Variants in MANBA observed in about 807,000 individuals in gnomAD.
MANBA encodes the protein mannosidase beta.
A neutral mutation model predicts 111.1 loss-of-function variants in MANBA; 83 were observed. The ratio of observed to expected loss-of-function variants is 0.75; its 90% CI spans 0.63 to 0.90. The LOEUF (loss-of-function observed/expected upper bound fraction) is 0.90, where lower values mean the gene tolerates loss of function less well. Among genes scored for constraint, MANBA ranks in the 40% least tolerant of loss-of-function variants. The pLI, the probability that MANBA is intolerant of heterozygous loss-of-function variation, is 0.00. For synonymous variants in MANBA, 370 were observed against 378.7 expected, an observed-to-expected ratio of 0.98 and a Z score of 0.27; for missense variants, 1,036 against 1,069.0, an observed-to-expected ratio of 0.97 and a Z score of 0.43.
At chr4:102,638,960 C>T (rs916459754) in intron 14 of MANBA, among the ~76,000 whole-genome samples, 12 of 152,316 alleles carry the variant, frequency 7.9e-5, no homozygotes, top group African/African-American at 2.4e-4. Context: ...TACTTTGTGG[C>T]CTTGCCTCGT....
intron 12 of MANBA, among the ~76,000 whole-genome samples, chr4:102,654,320 G>T (rs546282704): frequency 1.3e-5 from 2 of 152,144 alleles, no homozygotes; most frequent in South Asian, 4.2e-4. Context: ...AAAAAACGGG[G>T]TATGGAATTT....
chr4:102,753,448 T>C (rs1723883870), intron 1 of MANBA, among the ~76,000 whole-genome samples: 1 of 152,170 alleles, frequency 6.6e-6, no homozygotes, highest in Non-Finnish European at 1.5e-5. Context: ...AATAACAATA[T>C]TATATCAGTA....
chr4:102,746,553 T>C (rs949842532), intron 1 of MANBA, among the ~76,000 whole-genome samples: 10 of 152,240 alleles, frequency 6.6e-5, no homozygotes, highest in African/African-American at 1.9e-4. Context: ...AAAGGTATTA[T>C]GTTTCAAGTC....
At chr4:102,739,696 A>G (rs911521507) in intron 1 of MANBA, among the ~76,000 whole-genome samples, 1 of 152,230 alleles carries the variant, frequency 6.6e-6, no homozygotes, top group Non-Finnish European at 1.5e-5. Flanking sequence ...CAAAAATCAT[A>G]TTATCAACTC....
At chr4:102,676,399 GTT>G (rs1731729644) in intron 7 of MANBA, among the ~76,000 whole-genome samples, 2 of 152,166 alleles carry the variant, frequency 1.3e-5, no homozygotes, top group Admixed American at 6.5e-5. Flanking sequence ...TACAGGGTTA[GTT>G]ATGCACCCCT....
chr4:102,709,315 A>T (rs1721921087), intron 5 of MANBA, among the ~76,000 whole-genome samples: 1 of 132,040 alleles, frequency 7.6e-6, no homozygotes, highest in Admixed American at 7.4e-5. Flanking sequence ...AGGAAGGAAG[A>T]AAAGAAAAGA....
At chr4:102,686,783 C>T (rs1732235913) in intron 7 of MANBA, among the ~76,000 whole-genome samples, 1 of 152,144 alleles carries the variant, frequency 6.6e-6, no homozygotes, top group African/African-American at 2.4e-5. Flanking sequence ...TCCCCAAACC[C>T]CAACCTTACT....
rs1001698676 is a variant in MANBA at position 102,677,017 on chromosome 4, C to A, written c.961-2947G>T. 1.1e-4 allele frequency among the ~76,000 whole-genome samples: 17 copies of A among 152,172 alleles called. No homozygotes were observed. The South Asian group carries it at 1.9e-3, about 17-fold the overall frequency. ...CCCTCAGTATGCATCATTTTAATAT[C>A]CTGCATTATGAAATGAGCAATATCC... On this transcript the variant is annotated intron_variant, in intron 7 of 16. Transcript: ENST00000647097.
chr4:102,729,197 C>G, intron 1 of MANBA: 2 of 726,482 alleles, frequency 2.8e-6, no homozygotes, highest in East Asian at 5.3e-5. Context: ...GCCCTCTGGC[C>G]TTTGAGGCCC....
At chr4:102,735,332 A>T (rs1247753020) in intron 1 of MANBA, among the ~76,000 whole-genome samples, 3 of 151,828 alleles carry the variant, frequency 2.0e-5, no homozygotes, top group African/African-American at 7.3e-5. Context: ...CAACCCTTCA[A>T]CCCATCATAG....
Position 102,714,534 on chromosome 4 carries a change from C to T in MANBA, c.577G>A (p.Gly193Arg), listed in dbSNP as rs1722238890. ...ATTCCCTGGGTAGGAAAGGAAGGCC[C>T]CCAGTCCCAACTAAAGGAACATTGC... Reference protein sequence around the residue: ...KEQCSFSWDWGPSFPTQGIWK... With the variant: ...KEQCSFSWDWRPSFPTQGIWK... Residue 193 changes from glycine to arginine, a missense_variant, in exon 5 of 17, where the codon GGG becomes AGG. By Grantham distance (125) the Gly-to-Arg change is moderately radical (BLOSUM62 -2). Coordinates refer to ENST00000647097, the MANE Select transcript of MANBA (RefSeq NM_005908.4). 6.2e-7 allele frequency: 1 copy of T among 1,608,796 alleles called. No individual in the cohort carries two copies. Among genetic ancestry groups the T allele is most frequent in the Non-Finnish European group, 8.5e-7 (1 of 1,175,266 alleles).
intron 14 of MANBA, among the ~76,000 whole-genome samples, chr4:102,636,862 G>A (rs986624278): frequency 1.3e-5 from 2 of 152,042 alleles, no homozygotes; most frequent in Non-Finnish European, 2.9e-5. Flanking sequence ...ATATGGTTTG[G>A]CTGTGCCCCT....
chr4:102,633,438 T>C (rs912579499), intron 16 of MANBA: 23 of 398,544 alleles, frequency 5.8e-5, no homozygotes, highest in African/African-American at 4.3e-4. Flanking sequence ...CCTCTCTGTA[T>C]GTCTGACTGC....
At chr4:102,650,348 G>T (rs946914847) in intron 13 of MANBA, among the ~76,000 whole-genome samples, 189 bp downstream of exon 13, 1 of 152,172 alleles carries the variant, frequency 6.6e-6, no homozygotes, top group Non-Finnish European at 1.5e-5. Context: ...TTTTGTAAGA[G>T]AGGCAAATGC....
chr4:102,725,638 T>A (rs1042640447), intron 2 of MANBA, among the ~76,000 whole-genome samples: 1 of 152,228 alleles, frequency 6.6e-6, no homozygotes, highest in Non-Finnish European at 1.5e-5. Context: ...ATTAATCTAA[T>A]GTTTCTAAAT....
chr4:102,688,412 C>T (rs1316087877), intron 7 of MANBA, among the ~76,000 whole-genome samples: 1 of 151,898 alleles, frequency 6.6e-6, no homozygotes, highest in African/African-American at 2.4e-5. Context: ...CACACACACA[C>T]ACACATTCAC....
intron 1 of MANBA, among the ~76,000 whole-genome samples, chr4:102,759,582 A>C (rs893738117): frequency 1.4e-5 from 2 of 145,292 alleles, no homozygotes; most frequent in Non-Finnish European, 3.0e-5. Context: ...AAAAAAAAAA[A>C]CTACTAAGTA....
At chr4:102,634,639 G>C in intron 16 of MANBA, 149 bp downstream of exon 16, 2 of 1,049,220 alleles carry the variant, frequency 1.9e-6, no homozygotes, top group Non-Finnish European at 2.9e-6. Flanking sequence ...TTTGCTTTTA[G>C]TGGGAAGAGG....
rs1008274224 is a variant in MANBA, at chr4:102,728,731, G to A, written c.178-2048C>T. The A allele has an allele frequency of 1.6e-5, 13 of 808,498 alleles. No individual in the cohort carries two copies. The African/African-American group carries it at 2.2e-4, about 14-fold the overall frequency. 50.1% of individuals were successfully genotyped at this position (808,498 alleles called of 1,614,324 possible). A position where few individuals can be genotyped will look rare whatever the true frequency, so the allele number is the denominator to read the frequency against. ...GTCGCAGGAGGGGCAGGCTGGGAGGGGCTGCCGCAGCTGTTCACTTGGGCA... is the reference window on the plus strand; with the variant it reads ...GTCGCAGGAGGGGCAGGCTGGGAGGAGCTGCCGCAGCTGTTCACTTGGGCA... On this transcript the variant is annotated intron_variant, in intron 1 of 16. Coordinates refer to ENST00000647097, the MANE Select transcript of MANBA (RefSeq NM_005908.4).
Sources: allele counts gnomAD v4.1 joint callset (sites outside exome capture counted in the v4.1 genomes callset), GRCh38; gene constraint gnomAD v4.1.1; transcripts MANE v1.5; gene names NCBI Gene and HGNC (gene_info 2026-07-23, HGNC 2026-07-21).